Variants in USP22 observed in about 807,000 individuals in gnomAD.
The protein encoded by USP22 is ubiquitin carboxyl-terminal hydrolase 22.
USP22 carries 22 observed loss-of-function variants against 68.1 expected under a neutral mutation model. That is an observed-to-expected ratio of 0.32 (90% confidence interval 0.23 to 0.46). The LOEUF (loss-of-function observed/expected upper bound fraction) is 0.46, where lower values mean the gene tolerates loss of function less well. Ranked by LOEUF, USP22 falls within the 20% of genes least tolerant of loss-of-function variation. The probability of loss-of-function intolerance (pLI) is 1.00; values close to 1 mark genes in which losing one functional copy is unlikely to be tolerated. For missense variants in USP22, 433 were observed against 695.8 expected (o/e 0.62, Z 4.25); for synonymous variants, 279 against 274.2 (o/e 1.02, Z -0.17).
chr17:21,025,561 A>G (rs927770604), intron 2 of USP22, among the ~76,000 whole-genome samples: 15 of 152,232 alleles, frequency 9.9e-5, no homozygotes, highest in African/African-American at 3.6e-4. Context: ...CCACAGTGGC[A>G]CTATTCCTAA....
In USP22 at chr17:21,029,294, C is replaced by T. The variant is rs1567591833; in HGVS notation, c.172-620G>A. On this transcript the variant is annotated intron_variant, in intron 1 of 12. Coordinates refer to ENST00000261497, the MANE Select transcript of USP22 (RefSeq NM_015276.2). The stretch of plus-strand genomic sequence containing the variant: ...AACGGGACGTGTGAACAGGGACAGC[C>T]GCCACTGGCAATAGTTGCACAATTC... Among the ~76,000 whole-genome samples, 4 of 152,216 alleles carry T rather than the reference C, an allele frequency of 2.6e-5. No homozygotes were observed. In the East Asian group the frequency reaches 7.7e-4, roughly 29 times the overall value.
intron 4 of USP22, among the ~76,000 whole-genome samples, chr17:21,018,820 C>G (rs1278216925): frequency 1.3e-5 from 2 of 152,232 alleles, no homozygotes; most frequent in East Asian, 1.9e-4. Flanking sequence ...TCACCCTGGC[C>G]AAAATCAACT....
chr17:21,033,412 T>C (rs975686742), intron 1 of USP22, among the ~76,000 whole-genome samples: 2 of 152,154 alleles, frequency 1.3e-5, no homozygotes, highest in African/African-American at 4.8e-5. Context: ...GGTCCCGATA[T>C]TAAGAATATT....
At position 21,004,968 on chromosome 17, in the gene USP22, G is replaced by A; in HGVS notation, c.1345C>T (p.Gln449Ter). The A allele has an allele frequency of 1.9e-6, 3 of 1,614,208 alleles. No individual in the cohort carries two copies. Among genetic ancestry groups the A allele is most frequent in the Non-Finnish European group, 2.5e-6 (3 of 1,180,042 alleles). Residue 449 changes from glutamine to a stop codon, truncating the protein, a stop_gained, in exon 11 of 13, where the codon CAG becomes TAG. Coordinates refer to ENST00000261497, the MANE Select transcript of USP22 (RefSeq NM_015276.2). LOFTEE classifies it high-confidence loss of function. ...ASSKESRMNGQYQQPTDSLNN... is the reference protein window; with the variant it reads ...ASSKESRMNG ...AGACTGTCCGTGGGCTGCTGGTACT[G>A]TCCATTCATCCTGCTCTCTTTGCTG... is the stretch of plus-strand genomic sequence containing the variant.
chr17:21,028,048 T>C (rs1567591448), intron 2 of USP22, among the ~76,000 whole-genome samples: 1 of 152,184 alleles, frequency 6.6e-6, no homozygotes, highest in Non-Finnish European at 1.5e-5. Context: ...TGTAAGGCTG[T>C]GAAAGGTAAA....
intron 2 of USP22, among the ~76,000 whole-genome samples, 195 bp downstream of exon 2, chr17:21,028,347 G>A (rs4985820): frequency 6.6e-6 from 1 of 151,948 alleles, no homozygotes; most frequent in African/African-American, 2.4e-5. Context: ...CATCGGATGC[G>A]AAGGCAAACT....
intron 1 of USP22, among the ~76,000 whole-genome samples, chr17:21,031,536 T>C (rs1003430438): frequency 2.6e-5 from 4 of 151,218 alleles, no homozygotes; most frequent in African/African-American, 7.4e-5. Context: ...CACTCCATTA[T>C]AGTCTATCTC....
chr17:21,008,067 A>AT, intron 8 of USP22, 71 bp from the exon 9 acceptor site: 1 of 1,540,072 alleles, frequency 6.5e-7, no homozygotes, highest in Non-Finnish European at 8.8e-7. Flanking sequence ...GGAAAGAGGT[A>AT]TTTTATCTCT....
rs376902483 is a variant in USP22 at position 21,008,021 on chromosome 17, A to T, written c.1104-25T>A. ...TCTACAGGCGTTCAAAAAAGACAGG[A>T]GCGGTAAGGGAGATGCAAGAGACAG... On this transcript the variant is annotated intron_variant, in intron 8 of 12. Transcript: ENST00000261497. 1.9e-6 allele frequency: 3 copies of T among 1,612,618 alleles called. No individual in the cohort carries two copies. In the East Asian group the frequency reaches 6.7e-5, roughly 36 times the overall value.
At chr17:21,030,868 T>C (rs1209930063) in intron 1 of USP22, among the ~76,000 whole-genome samples, 1 of 152,246 alleles carries the variant, frequency 6.6e-6, no homozygotes, top group Non-Finnish European at 1.5e-5. Context: ...GTATTTAAAG[T>C]TGGACAATGT....
intron 8 of USP22, among the ~76,000 whole-genome samples, chr17:21,008,682 G>T (rs545635210): frequency 3.9e-4 from 60 of 152,264 alleles, no homozygotes; most frequent in South Asian, 1.0e-3. Context: ...CCAGGGCGTC[G>T]CACCACAGTG....
chr17:21,040,822 G>T (rs1448363228), intron 1 of USP22, among the ~76,000 whole-genome samples: 1 of 151,702 alleles, frequency 6.6e-6, no homozygotes, highest in Non-Finnish European at 1.5e-5. Flanking sequence ...TCCCAATCCG[G>T]ACACTACTGA....
intron 4 of USP22, among the ~76,000 whole-genome samples, chr17:21,018,574 T>C (rs1370367168): frequency 6.6e-6 from 1 of 151,798 alleles, no homozygotes; most frequent in Non-Finnish European, 1.5e-5. Context: ...TATCCAAACA[T>C]GGTGGTGTGC....
In USP22 at chr17:20,999,739, T is replaced by C. The variant is rs1374619271; in HGVS notation, c.*3292A>G. The C allele has an allele frequency of 2.6e-5, 4 of 152,196 alleles. No individual in the cohort carries two copies. Among genetic ancestry groups the C allele is most frequent in the Admixed American group, 1.3e-4 (2 of 15,276 alleles). The allele number at this position is 152,196 out of a possible 1,614,324, so 9.4% of individuals were successfully genotyped here. A position where few individuals can be genotyped will look rare whatever the true frequency, so the allele number is the denominator to read the frequency against. ...AAAGTCTCCAACCACAGCACAGTCA[T>C]TGGAATTTTTTTCTTCATTTTTATT... On this transcript the variant is annotated 3_prime_UTR_variant, in exon 13 of 13. Coordinates refer to ENST00000261497, the MANE Select transcript of USP22 (RefSeq NM_015276.2).
intron 1 of USP22, among the ~76,000 whole-genome samples, chr17:21,030,569 A>G (rs566534286): frequency 2.6e-5 from 4 of 152,376 alleles, no homozygotes; most frequent in African/African-American, 9.6e-5. Flanking sequence ...ACCACAGAGC[A>G]GGCAAGTGCA....
intron 1 of USP22, among the ~76,000 whole-genome samples, chr17:21,040,319 G>C (rs1045207867): frequency 6.6e-5 from 10 of 152,110 alleles, no homozygotes; most frequent in African/African-American, 2.4e-4. Context: ...TCCTTAACTG[G>C]GCCACTAGAG....
Position 21,002,293 on chromosome 17 carries a change from T to C in USP22, c.*738A>G, listed in dbSNP as rs1913611196. Reference sequence around the variant, plus strand: ...TCTTGAGACTAAAGGAGAAGTTACCTAAATTTCTGTATAAACTCAGTAATT... The same window carrying C: ...TCTTGAGACTAAAGGAGAAGTTACCCAAATTTCTGTATAAACTCAGTAATT... On this transcript the variant is annotated 3_prime_UTR_variant, in exon 13 of 13. Coordinates refer to ENST00000261497, the MANE Select transcript of USP22 (RefSeq NM_015276.2). The C allele has an allele frequency of 6.6e-6, 1 of 152,260 alleles. No homozygotes were observed. The allele number at this position is 152,260 out of a possible 1,614,324, so 9.4% of individuals were successfully genotyped here.
chr17:21,012,919 C>T lies in USP22; in HGVS notation c.855G>A (p.Lys285=). The change falls in exon 7 of 13, where the codon AAG becomes AAA. Residue 285 remains lysine (K), a synonymous_variant. Coordinates refer to ENST00000261497, the MANE Select transcript of USP22 (RefSeq NM_015276.2). ...HRHCKGDDNG[K]KANNPNHCNC... is the part of the protein sequence containing the mutation. ...TGCAGTGGTTGGGGTTGTTGGCCTT[C>T]TTCCCATTGTCATCACCTGGAGACA... 1 of 1,613,992 alleles carries T rather than the reference C, an allele frequency of 6.2e-7. No homozygotes were observed. The highest frequency in any genetic ancestry group is 1.1e-5 in the South Asian group (1 of 91,080).
At chr17:21,017,472 C>T (rs1348078131) in intron 5 of USP22, among the ~76,000 whole-genome samples, 2 of 152,236 alleles carry the variant, frequency 1.3e-5, no homozygotes, top group South Asian at 2.1e-4. Flanking sequence ...GAACGCCACA[C>T]GTGCAGCCCA....
Sources: allele counts gnomAD v4.1 joint callset (sites outside exome capture counted in the v4.1 genomes callset), GRCh38; gene constraint gnomAD v4.1.1; transcripts MANE v1.5; gene names NCBI Gene and HGNC (gene_info 2026-07-23, HGNC 2026-07-21).